The following ADGRD1 variants were observed in gnomAD, a reference collection of about 807,000 sequenced individuals.
ADGRD1 encodes adhesion G protein-coupled receptor D1.
Under a neutral mutation model 113.4 loss-of-function variants are expected in ADGRD1, and 77 were observed. The observed-to-expected ratio is 0.68, with a 90% CI of 0.57 to 0.82. The LOEUF (loss-of-function observed/expected upper bound fraction) is 0.82, where lower values mean the gene tolerates loss of function less well. ADGRD1 is among the 40% of genes least tolerant of loss of function. The pLI is 0.00. For missense variants in ADGRD1, 1,036 were observed against 1,139.1 expected (o/e 0.91, Z 1.30); for synonymous variants, 474 against 475.0 (o/e 1.00, Z 0.03).
intron 15 of ADGRD1, among the ~76,000 whole-genome samples, chr12:131,090,057 G>A (rs1232100129): frequency 3.3e-5 from 5 of 152,186 alleles, no homozygotes; most frequent in African/African-American, 9.7e-5. Flanking sequence ...GCCCAGTCCA[G>A]CGAGTAAAAA....
chr12:130,974,682 T>C (rs1166164820), intron 4 of ADGRD1, among the ~76,000 whole-genome samples: 2 of 152,188 alleles, frequency 1.3e-5, no homozygotes, highest in Non-Finnish European at 2.9e-5. Flanking sequence ...CAAATCCTGA[T>C]GTGGTCTCTG....
rs181395971 is a variant in ADGRD1, at chr12:131,059,262, C to T, written c.1474-17539C>T. Reference sequence around the variant, plus strand: ...GCCATCCTGGCTCACTGCAGCCAGCCCCCCAGGTTCAAGTGATTCTCGTGC... The same window carrying T: ...GCCATCCTGGCTCACTGCAGCCAGCTCCCCAGGTTCAAGTGATTCTCGTGC... On this transcript the variant is annotated intron_variant, in intron 13 of 24. Transcript: ENST00000261654. Among the ~76,000 whole-genome samples, 5 of 152,186 alleles carry T rather than the reference C, an allele frequency of 3.3e-5. No individual in the cohort carries two copies. In the East Asian group the frequency reaches 9.7e-4, roughly 29 times the overall value.
At position 131,096,795 on chromosome 12, in the gene ADGRD1, A is replaced by T. The variant is rs374070072; in HGVS notation, c.1672-8036A>T. 1.6e-3 allele frequency among the ~76,000 whole-genome samples: 240 copies of T among 152,218 alleles called. 4 individuals are homozygous for T. Among genetic ancestry groups the T allele is most frequent in the African/African-American group, 5.7e-3 (236 of 41,538 alleles). Reference sequence around the variant, plus strand: ...AGCCATCGTCTGGGGCACAGTGGGGACTCAGCCCTGAGTTCCCAGTCATGT... The same window carrying T: ...AGCCATCGTCTGGGGCACAGTGGGGTCTCAGCCCTGAGTTCCCAGTCATGT... On this transcript the variant is annotated intron_variant, in intron 15 of 24. Transcript: ENST00000261654. This position sits in a 1 kb window ranked among gnomAD's most constrained non-coding sequence, Gnocchi z 5.2.
Position 130,979,815 on chromosome 12 carries a change from TCTCACACACACACACACA to T in ADGRD1, c.311-2067_311-2050del, listed in dbSNP as rs1206256463. 3.7e-3 allele frequency among the ~76,000 whole-genome samples: 520 copies of T among 139,840 alleles called. 4 individuals carry two copies. The highest frequency in any genetic ancestry group is 0.014 in the African/African-American group (487 of 34,440). The allele number at this position is 139,840 out of a possible 152,430, so 91.7% of individuals were successfully genotyped here. On this transcript the variant is annotated intron_variant, in intron 4 of 24. Transcript: ENST00000261654. ...GCAGAATCCAGACAGGCAGCTAGTGTCTCACACACACACACACACACACACACACACACACACACACAC... is the reference window on the plus strand; with the variant it reads ...GCAGAATCCAGACAGGCAGCTAGTGTCACACACACACACACACACACACAC...
chr12:131,101,015 C>T (rs1950059153), intron 15 of ADGRD1, among the ~76,000 whole-genome samples: 1 of 152,238 alleles, frequency 6.6e-6, no homozygotes, highest in Non-Finnish European at 1.5e-5. Flanking sequence ...CCCAGTACTG[C>T]TCACTGCTGT....
chr12:131,114,059 G>GGATTTGT (rs1173034929), intron 18 of ADGRD1, among the ~76,000 whole-genome samples: 1 of 152,188 alleles, frequency 6.6e-6, no homozygotes, highest in African/African-American at 2.4e-5. Flanking sequence ...TGAACGAAAA[G>GGATTTGT]TGTCTGCAGG....
intron 2 of ADGRD1, chr12:130,958,081 C>T (rs1320152655): frequency 6.4e-6 from 1 of 156,442 alleles, no homozygotes; most frequent in Non-Finnish European, 1.4e-5. Flanking sequence ...CACTGTTCCC[C>T]TCCTCCCCTT....
chr12:130,967,503 T>C (rs1871135381), intron 3 of ADGRD1: 1 of 155,106 alleles, frequency 6.4e-6, no homozygotes. Context: ...CGTACAGCAA[T>C]CCTAGCACGT....
intron 13 of ADGRD1, among the ~76,000 whole-genome samples, chr12:131,064,196 C>T (rs915352334): frequency 1.3e-5 from 2 of 152,178 alleles, no homozygotes; most frequent in Non-Finnish European, 2.9e-5. Flanking sequence ...CTGGAATCCT[C>T]AGTACTATTT....
intron 17 of ADGRD1, 27 bp from the exon 18 acceptor site, chr12:131,108,697 C>T: frequency 1.2e-6 from 2 of 1,614,072 alleles, no homozygotes; most frequent in South Asian, 1.1e-5. Context: ...AGAGCTGTCT[C>T]ACTTCCCATC....
intron 13 of ADGRD1, chr12:131,070,608 G>A (rs951125480): frequency 3.1e-5 from 9 of 287,734 alleles, no homozygotes; most frequent in Admixed American, 2.9e-4. Context: ...TGCGGGAGAC[G>A]AGTGGAGGCT....
At chr12:130,982,084 C>T (rs571381276) in intron 5 of ADGRD1, 21 bp downstream of exon 5, 7 of 1,604,526 alleles carry the variant, frequency 4.4e-6, no homozygotes, top group African/African-American at 2.7e-5. Context: ...GCATCGGTCC[C>T]GGGAGGCTCT....
intron 2 of ADGRD1, among the ~76,000 whole-genome samples, chr12:130,960,554 A>T (rs1870215463): frequency 8.2e-6 from 1 of 122,618 alleles, no homozygotes; most frequent in Admixed American, 8.1e-5. Flanking sequence ...ATGTTTATTG[A>T]TTTATTTATT....
chr12:130,963,110 G>A (rs1423873898), intron 2 of ADGRD1: 4 of 152,092 alleles, frequency 2.6e-5, no homozygotes, highest in South Asian at 2.1e-4. Context: ...CACGAAGTCA[G>A]GAGATCGAAA....
chr12:130,985,885 C>T (rs35593758), intron 5 of ADGRD1, among the ~76,000 whole-genome samples: 13,734 of 152,184 alleles, frequency 0.09, 807 homozygotes, highest in Middle Eastern at 0.15. Flanking sequence ...CGTGGATATT[C>T]AGTTGTTGCA....
chr12:130,979,702 C>T (rs1872712346), intron 4 of ADGRD1, among the ~76,000 whole-genome samples: 1 of 152,176 alleles, frequency 6.6e-6, no homozygotes, highest in Non-Finnish European at 1.5e-5. Context: ...CACGTGTTCT[C>T]TCTCAGCACC....
chr12:130,979,334 C>G (rs1260138542), intron 4 of ADGRD1, among the ~76,000 whole-genome samples: 1 of 152,122 alleles, frequency 6.6e-6, no homozygotes, highest in Non-Finnish European at 1.5e-5. Context: ...AATTCCATAC[C>G]AGGGTTATAA....
chr12:131,093,889 G>A (rs1343167768), intron 15 of ADGRD1, among the ~76,000 whole-genome samples: 1 of 152,114 alleles, frequency 6.6e-6, no homozygotes, highest in East Asian at 1.9e-4. Context: ...TTGTGGAGCT[G>A]TGGTGGTGAT....
At chr12:130,994,048 A>G (rs997778737) in intron 8 of ADGRD1, 2 of 239,302 alleles carry the variant, frequency 8.4e-6, no homozygotes, top group African/African-American at 2.2e-5. Flanking sequence ...ACCTGGGCCA[A>G]TCACTAACCA....
Sources: allele counts gnomAD v4.1 joint callset (sites outside exome capture counted in the v4.1 genomes callset), GRCh38; gene constraint gnomAD v4.1.1; non-coding constraint Gnocchi (gnomAD v3.1); transcripts MANE v1.5; gene names NCBI Gene and HGNC (gene_info 2026-07-23, HGNC 2026-07-21).